Variants in TBL3 observed in about 807,000 individuals in gnomAD.
TBL3 encodes the protein transducin beta like 3.
In TBL3, 71 loss-of-function variants were observed where a neutral mutation model predicts 102.7. The observed-to-expected ratio is 0.69, with a 90% CI of 0.57 to 0.84. The LOEUF (loss-of-function observed/expected upper bound fraction) is 0.84, where lower values mean the gene tolerates loss of function less well. Ranked by LOEUF, TBL3 falls within the 40% of genes least tolerant of loss-of-function variation. The pLI is 0.00. For synonymous variants in TBL3, 578 were observed against 477.7 expected (o/e 1.21, Z -2.74); for missense variants, 1,188 against 1,098.5 (o/e 1.08, Z -1.15).
At chr16:1,972,491 G>A (rs926620296) in intron 1 of TBL3, among the ~76,000 whole-genome samples, 1 of 152,240 alleles carries the variant, frequency 6.6e-6, no homozygotes, top group African/African-American at 2.4e-5. Flanking sequence ...GATGAGGGGA[G>A]GAGAGGGCTG....
intron 3 of TBL3, 32 bp from the exon 4 acceptor site, chr16:1,974,344 C>T (rs1405104730): frequency 1.9e-6 from 3 of 1,596,356 alleles, no homozygotes; most frequent in Admixed American, 1.7e-5. Flanking sequence ...AGCCCACTCA[C>T]ACCGTGCTCG....
In TBL3 at chr16:1,977,177, C is replaced by T. The variant is rs775545608; in HGVS notation, c.1564C>T (p.Arg522Cys). ...QLLGVFSGHRRGLWCVQFSPM... is the reference protein window; with the variant it reads ...QLLGVFSGHRCGLWCVQFSPM... ...GCTGGGTGTCTTCTCAGGCCACCGG[C>T]GTGGCCTCTGGTGCGTCCAGTTCTC... Residue 522 changes from arginine (R) to cysteine (C), a missense_variant, in exon 15 of 22, where the codon CGT becomes TGT. Arg to Cys is a radical substitution (Grantham distance 180). Coordinates refer to ENST00000568546, the MANE Select transcript of TBL3 (RefSeq NM_006453.3). 55 of 1,612,990 alleles carry T rather than the reference C, an allele frequency of 3.4e-5. No individual in the cohort carries two copies. The highest frequency in any genetic ancestry group is 4.5e-5 in the Non-Finnish European group (53 of 1,179,984).
At position 1,979,283 on chromosome 16, in the gene TBL3, C is replaced by CG; in HGVS notation, c.*598_*599insG. The CG allele has an allele frequency of 1.3e-6, 2 of 1,556,812 alleles. No homozygotes were observed. Among genetic ancestry groups the CG allele is most frequent in the Middle Eastern group, 3.8e-4 (2 of 5,312 alleles). Reference sequence around the variant, plus strand: ...CTCCTCCACGGAACCCCGTCCCGCTCAGGAGAGCGCCCAGCCCTTCCGGCC... The same window carrying CG: ...CTCCTCCACGGAACCCCGTCCCGCTCGAGGAGAGCGCCCAGCCCTTCCGGCC... On this transcript the variant is annotated 3_prime_UTR_variant, in exon 22 of 22. Transcript: ENST00000568546.
At position 1,974,281 on chromosome 16, in the gene TBL3, A is replaced by C; in HGVS notation, c.178A>C (p.Ser60Arg). The C allele has an allele frequency of 1.3e-6, 2 of 1,593,482 alleles. No individual in the cohort carries two copies. The change falls in exon 3 of 22, where the codon AGT (serine) becomes CGT (arginine). Residue 60 changes from serine (S) to arginine (R), a missense_variant. Ser to Arg is a moderately radical substitution (Grantham distance 110). Coordinates refer to ENST00000568546, the MANE Select transcript of TBL3 (RefSeq NM_006453.3). ...LEVASGAVLR[S>R]LEQEDQEDIT... is the part of the protein sequence containing the mutation. Reference sequence around the variant, plus strand: ...AGTGGCCTCGGGGGCCGTGCTGCGGAGTCTGGAGCAGGTGAGGGCAGCCTG... The same window carrying C: ...AGTGGCCTCGGGGGCCGTGCTGCGGCGTCTGGAGCAGGTGAGGGCAGCCTG...
Position 1,979,804 on chromosome 16 carries a change from G to A in TBL3, c.*1119G>A. The A allele has an allele frequency of 1.9e-6, 3 of 1,557,150 alleles. No homozygotes were observed. The highest frequency in any genetic ancestry group is 2.3e-5 in the South Asian group (2 of 85,256). On this transcript the variant is annotated 3_prime_UTR_variant, in exon 22 of 22. Transcript: ENST00000568546. ...TAGGCGCATACCGCTGCTCCCTAGG[G>A]ACGGGCCTCCCTCCCGGCCTTGGCC...
chr16:1,981,324 G>A lies in TBL3; in HGVS notation c.*2639G>A, dbSNP rs537276264. On this transcript the variant is annotated 3_prime_UTR_variant, in exon 22 of 22. Coordinates refer to ENST00000568546, the MANE Select transcript of TBL3 (RefSeq NM_006453.3). ...AAGCCTGTGGGGTCCTTGTGGAGCCGCCCCAGCTGAGTCCTTTGCAGCTTT... is the reference window on the plus strand; with the variant it reads ...AAGCCTGTGGGGTCCTTGTGGAGCCACCCCAGCTGAGTCCTTTGCAGCTTT... 2.3e-4 allele frequency: 333 copies of A among 1,449,040 alleles called. No homozygotes were observed. Among genetic ancestry groups the A allele is most frequent in the Middle Eastern group, 2.0e-3 (8 of 3,926 alleles). The allele number at this position is 1,449,040 out of a possible 1,614,324, so 89.8% of individuals were successfully genotyped here.
rs758231020 is a variant in TBL3, at chr16:1,978,365, C to G, written c.2187C>G (p.His729Gln). The change falls in exon 21 of 22, where the codon CAC (histidine) becomes CAG (glutamine). Residue 729 changes from histidine to glutamine, a missense_variant. His to Gln is a conservative substitution (Grantham distance 24, BLOSUM62 0). Coordinates refer to ENST00000568546, the MANE Select transcript of TBL3 (RefSeq NM_006453.3). ...VTWNTNSRHC[H>Q]EAQAVLGVLL... ...GGAACACCAACTCGCGGCACTGCCA[C>G]GAGGCCCAGGCCGTGCTGGGTGTGC... 5 of 1,610,738 alleles carry G rather than the reference C, an allele frequency of 3.1e-6. No homozygotes were observed. The highest frequency in any genetic ancestry group is 1.3e-5 in the African/African-American group (1 of 74,902).
At chr16:1,977,898 A>G in intron 18 of TBL3, 60 bp from the exon 19 acceptor site, 2 of 1,595,156 alleles carry the variant, frequency 1.3e-6, no homozygotes, top group Non-Finnish European at 1.7e-6. Context: ...GCTGACTCCG[A>G]TGGCTCTGCC....
In TBL3 at chr16:1,972,062, C is replaced by T. The variant is rs1260465544; in HGVS notation, c.-103C>T. The T allele has an allele frequency of 3.1e-6, 4 of 1,289,014 alleles. No homozygotes were observed. Among genetic ancestry groups the T allele is most frequent in the Admixed American group, 3.9e-5 (1 of 25,546 alleles). The allele number at this position is 1,289,014 out of a possible 1,614,324, so 79.8% of individuals were successfully genotyped here. A position where few individuals can be genotyped will look rare whatever the true frequency, so the allele number is the denominator to read the frequency against. ...GCGCGGTGACGCCATCGCAGCGCGC[C>T]GGGAGTGTGGCGTTCTGTGAAGAGT... On this transcript the variant is annotated 5_prime_UTR_variant, in exon 1 of 22. Transcript: ENST00000568546.
intron 13 of TBL3, 83 bp from the exon 14 acceptor site, chr16:1,976,731 C>A: frequency 6.4e-7 from 1 of 1,562,808 alleles, no homozygotes; most frequent in Non-Finnish European, 8.7e-7. Flanking sequence ...GGACCGTGGG[C>A]TCCCAGCCTG....
intron 13 of TBL3, 142 bp downstream of exon 13, chr16:1,976,456 A>G (rs2083402790): frequency 1.4e-6 from 1 of 717,692 alleles, no homozygotes; most frequent in Non-Finnish European, 2.3e-6. Context: ...GGAACAGAAC[A>G]GGACAGGAGA....
chr16:1,977,603 T>G lies in TBL3; in HGVS notation c.1832T>G (p.Leu611Arg). 6.4e-7 allele frequency: 1 copy of G among 1,565,792 alleles called. No homozygotes were observed. Among genetic ancestry groups the G allele is most frequent in the Non-Finnish European group, 8.7e-7 (1 of 1,154,342 alleles). The part of the protein sequence containing the change: ...LDAHEDKVWG[L>R]HCSRLDDHAL... ...GCCCACGAGGACAAGGTCTGGGGGC[T>G]GCACTGCAGCCGGCTGGACGACCAC... The change falls in exon 17 of 22, where the codon CTG (leucine) becomes CGG (arginine). Residue 611 changes from leucine to arginine, a missense_variant. Leu to Arg is a moderately radical substitution (Grantham distance 102). Transcript: ENST00000568546.
chr16:1,978,285 AAG>A lies in TBL3; in HGVS notation c.2135-26_2135-25del, dbSNP rs774425577. The A allele has an allele frequency of 3.1e-6, 5 of 1,611,134 alleles. No homozygotes were observed. The South Asian group carries it at 5.5e-5, about 18-fold the overall frequency. The stretch of plus-strand genomic sequence containing the variant: ...GCCAGTCATGGCAGATTGGCTGGGC[AAG>A]ACGATGAGGGTCCTGTTGCCCACAG... On this transcript the variant is annotated intron_variant, in intron 20 of 21. Coordinates refer to ENST00000568546, the MANE Select transcript of TBL3 (RefSeq NM_006453.3).
In TBL3 at chr16:1,979,240, C is replaced by G; in HGVS notation, c.*555C>G. The G allele has an allele frequency of 1.3e-6, 2 of 1,510,182 alleles. No homozygotes were observed. The highest frequency in any genetic ancestry group is 1.8e-6 in the Non-Finnish European group (2 of 1,136,216). The allele number at this position is 1,510,182 out of a possible 1,614,324, so 93.5% of individuals were successfully genotyped here. ...TGGGAGGGTTCAGGGAAGCCCCGGG[C>G]CTCACCCGCCGGGTCGTCTCCTCCA... On this transcript the variant is annotated 3_prime_UTR_variant, in exon 22 of 22. Coordinates refer to ENST00000568546, the MANE Select transcript of TBL3 (RefSeq NM_006453.3).
Position 1,980,809 on chromosome 16 carries a change from G to T in TBL3, c.*2124G>T, listed in dbSNP as rs1567332143. 3.4e-6 allele frequency: 5 copies of T among 1,492,156 alleles called. No individual in the cohort carries two copies. The highest frequency in any genetic ancestry group is 2.8e-5 in the African/African-American group (2 of 72,122). The allele number at this position is 1,492,156 out of a possible 1,614,324, so 92.4% of individuals were successfully genotyped here. On this transcript the variant is annotated 3_prime_UTR_variant, in exon 22 of 22. Coordinates refer to ENST00000568546, the MANE Select transcript of TBL3 (RefSeq NM_006453.3). ...AGAGGGCGGGGTCCCTCACCCGGAT[G>T]GCAGGGGCTGGGAGCTTCAGCAGGG...
In TBL3 at chr16:1,979,027, CAT is replaced by C; in HGVS notation, c.*343_*344del. The C allele has an allele frequency of 1.3e-6, 2 of 1,533,994 alleles. No homozygotes were observed. The highest frequency in any genetic ancestry group is 1.7e-6 in the Non-Finnish European group (2 of 1,149,386). ...TCCCCAGCCCTGGGATGGCGCGGTC[CAT>C]CCCCTCATCGGGATCCTCGCGCTCA... On this transcript the variant is annotated 3_prime_UTR_variant, in exon 22 of 22. Coordinates refer to ENST00000568546, the MANE Select transcript of TBL3 (RefSeq NM_006453.3).
rs770389719 is a variant in TBL3, at chr16:1,980,169, C to T, written c.*1484C>T. On this transcript the variant is annotated 3_prime_UTR_variant, in exon 22 of 22. Transcript: ENST00000568546. ...AAAGAGGCTGCTCCTCTGGGGTGGG[C>T]AGGATCACCCGGCTGGGAAGGGCAG... The T allele has an allele frequency of 1.9e-6, 3 of 1,600,532 alleles. No homozygotes were observed. The highest frequency in any genetic ancestry group is 1.3e-5 in the African/African-American group (1 of 74,938).
chr16:1,977,075 G>A lies in TBL3; in HGVS notation c.1462G>A (p.Ala488Thr). ...HDKDINSVAI[A>T]PNDKLLATGS... ...CCAGGACATCAACAGCGTGGCTATT[G>A]CCCCCAACGACAAGCTGCTGGCCAC... is the stretch of plus-strand genomic sequence containing the variant. The change falls in exon 15 of 22, where the codon GCC (alanine) becomes ACC (threonine). Residue 488 changes from alanine (A) to threonine (T), a missense_variant. Physicochemically the swap from Ala to Thr is moderately conservative, Grantham distance 58. Transcript: ENST00000568546. 6.2e-7 allele frequency: 1 copy of A among 1,613,238 alleles called. No individual in the cohort carries two copies. The highest frequency in any genetic ancestry group is 8.5e-7 in the Non-Finnish European group (1 of 1,179,990).
At position 1,979,376 on chromosome 16, in the gene TBL3, C is replaced by T. The variant is rs1290214373; in HGVS notation, c.*691C>T. Reference sequence around the variant, plus strand: ...TGCGAGGGGCGGGGTGTGGTTAGGGCCCCGCCCGCCTCGGCTAGCCTGCCC... The same window carrying T: ...TGCGAGGGGCGGGGTGTGGTTAGGGTCCCGCCCGCCTCGGCTAGCCTGCCC... On this transcript the variant is annotated 3_prime_UTR_variant, in exon 22 of 22. Coordinates refer to ENST00000568546, the MANE Select transcript of TBL3 (RefSeq NM_006453.3). 2 of 1,588,530 alleles carry T rather than the reference C, an allele frequency of 1.3e-6. No homozygotes were observed. The highest frequency in any genetic ancestry group is 1.1e-5 in the South Asian group (1 of 89,314).
Sources: gnomAD v4.1 joint callset for allele counts (sites outside exome capture counted in the v4.1 genomes callset) on GRCh38, gnomAD v4.1.1 for gene constraint, MANE v1.5 for transcripts, NCBI Gene and HGNC (gene_info 2026-07-23, HGNC 2026-07-21) for gene names.